WWOX: variants seen among roughly 807,000 people sequenced by gnomAD.
WWOX encodes WW domain containing oxidoreductase, also known as WW domain-containing oxidoreductase.
In WWOX, 69 loss-of-function variants were observed where a neutral mutation model predicts 46.2. The ratio of observed to expected loss-of-function variants is 1.49; its 90% CI spans 1.23 to 1.82. WWOX has a LOEUF of 1.82. Ranked by LOEUF, WWOX falls within the 40% of genes most tolerant of loss-of-function variation. The pLI, the probability that WWOX is intolerant of heterozygous loss-of-function variation, is 0.00. For missense variants in WWOX, 919 were observed against 542.6 expected (o/e 1.69, Z -6.89); for synonymous variants, 359 against 202.6 (o/e 1.77, Z -6.56).
chr16:79,141,323 G>T (rs762055723), intron 8 of WWOX, among the ~76,000 whole-genome samples: 1 of 152,190 alleles, frequency 6.6e-6, no homozygotes, highest in African/African-American at 2.4e-5. Context: ...GATGTCTCAT[G>T]TCTCCCTAGA....
intron 8 of WWOX, among the ~76,000 whole-genome samples, chr16:78,845,107 T>C (rs112849152): frequency 0.022 from 2,854 of 129,062 alleles, 97 homozygotes; most frequent in African/African-American, 0.078. Context: ...TAGCCCTGCA[T>C]TCATGCACTT....
intron 8 of WWOX, among the ~76,000 whole-genome samples, chr16:78,984,340 G>C (rs891314081): frequency 1.3e-5 from 2 of 152,080 alleles, no homozygotes; most frequent in Admixed American, 1.3e-4. Context: ...CACTCTCTAG[G>C]TCAAGAATCA....
At chr16:79,138,456 C>A (rs1467536285) in intron 8 of WWOX, among the ~76,000 whole-genome samples, 1 of 152,214 alleles carries the variant, frequency 6.6e-6, no homozygotes, top group African/African-American at 2.4e-5. Flanking sequence ...TTGCCAGACA[C>A]ATTCCTCGTC....
intron 3 of WWOX, among the ~76,000 whole-genome samples, chr16:78,111,309 A>G (rs974708077): frequency 1.3e-5 from 2 of 152,250 alleles, no homozygotes. Context: ...TATGGAGATG[A>G]TCATGGACAA....
At chr16:78,601,488 A>G (rs1418553640) in intron 8 of WWOX, among the ~76,000 whole-genome samples, 2 of 151,928 alleles carry the variant, frequency 1.3e-5, no homozygotes, top group Non-Finnish European at 2.9e-5. Context: ...AATAGAATCT[A>G]TTATCTCCAA....
chr16:78,614,659 C>T (rs932705538), intron 8 of WWOX, among the ~76,000 whole-genome samples: 4 of 152,194 alleles, frequency 2.6e-5, no homozygotes, highest in African/African-American at 9.6e-5. Context: ...CACCTTAGTC[C>T]AGTTACAGGG....
intron 8 of WWOX, among the ~76,000 whole-genome samples, chr16:79,066,084 C>T (rs939673823): frequency 2.0e-5 from 3 of 152,226 alleles, no homozygotes; most frequent in Admixed American, 1.3e-4. Flanking sequence ...TTCTCCTTCA[C>T]ACCTGTCTCC....
intron 8 of WWOX, among the ~76,000 whole-genome samples, chr16:78,977,037 C>G (rs999785926): frequency 6.6e-6 from 1 of 152,276 alleles, no homozygotes; most frequent in Middle Eastern, 3.4e-3. Context: ...CTGGGACAAT[C>G]AGGTTTCAAC....
intron 8 of WWOX, among the ~76,000 whole-genome samples, chr16:78,975,040 G>A (rs189867386): frequency 6.6e-6 from 1 of 152,266 alleles, no homozygotes; most frequent in Admixed American, 6.5e-5. Flanking sequence ...ATGTGAAAAG[G>A]CCTTCACTAT....
intron 8 of WWOX, among the ~76,000 whole-genome samples, chr16:78,859,794 T>C (rs1292313890): frequency 6.6e-6 from 1 of 151,886 alleles, no homozygotes; most frequent in Non-Finnish European, 1.5e-5. Context: ...TAGTTAAGTT[T>C]TAAGGAAGAA....
intron 5 of WWOX, among the ~76,000 whole-genome samples, chr16:78,336,886 C>G (rs1417169415): frequency 2.0e-5 from 3 of 152,144 alleles, no homozygotes; most frequent in Non-Finnish European, 4.4e-5. Context: ...TTAAGCCATT[C>G]TCCTGCCTCA....
chr16:78,218,121 C>T (rs940368128), intron 5 of WWOX, among the ~76,000 whole-genome samples: 1 of 152,074 alleles, frequency 6.6e-6, no homozygotes, highest in Non-Finnish European at 1.5e-5. Context: ...GTGGTGCAAT[C>T]ACAGCTCACT....
chr16:78,116,693 G>C (rs9935038), intron 4 of WWOX, among the ~76,000 whole-genome samples: 2,063 of 152,220 alleles, frequency 0.014, 48 homozygotes, highest in African/African-American at 0.048. Flanking sequence ...ATTAAGTACT[G>C]TTACAGTGAA....
chr16:78,175,609 T>C (rs558307345), intron 5 of WWOX, among the ~76,000 whole-genome samples: 2 of 152,298 alleles, frequency 1.3e-5, no homozygotes, highest in East Asian at 3.9e-4. Context: ...ACCAGCCATG[T>C]ATATGATCCC....
chr16:78,124,621 A>G (rs1254495733), intron 4 of WWOX, among the ~76,000 whole-genome samples: 7 of 152,232 alleles, frequency 4.6e-5, no homozygotes, highest in African/African-American at 1.7e-4. Flanking sequence ...TTGGCTTCAT[A>G]AATAACGGTA....
At chr16:78,748,258 C>T (rs184478665) in intron 8 of WWOX, among the ~76,000 whole-genome samples, 14 of 152,296 alleles carry the variant, frequency 9.2e-5, no homozygotes, top group Admixed American at 5.2e-4. Flanking sequence ...TTGTCTACCA[C>T]AGATAGCTCA....
At chr16:78,862,665 A>G (rs558275817) in intron 8 of WWOX, among the ~76,000 whole-genome samples, 40 of 152,246 alleles carry the variant, frequency 2.6e-4, no homozygotes, top group African/African-American at 7.9e-4. Context: ...TCCATTCCAT[A>G]TCCAAGTCTG....
intron 8 of WWOX, among the ~76,000 whole-genome samples, chr16:78,714,179 C>G (rs1460865284): frequency 6.6e-6 from 1 of 152,102 alleles, no homozygotes; most frequent in Non-Finnish European, 1.5e-5. Context: ...CATATATGTC[C>G]TATATTAGTC....
At position 79,084,131 on chromosome 16, in the gene WWOX, G is replaced by A. The variant is rs534783173; in HGVS notation, c.1057-127477G>A. ...GGAGAAACAGGAAGGAGCTGATTGA[G>A]GAGACCAAAGGAGGGTGGGGCCGCA... On this transcript the variant is annotated intron_variant, in intron 8 of 8. Coordinates refer to ENST00000566780, the MANE Select transcript of WWOX (RefSeq NM_016373.4). 1.1e-4 allele frequency among the ~76,000 whole-genome samples: 17 copies of A among 152,238 alleles called. No individual in the cohort carries two copies. In the South Asian group the frequency reaches 3.5e-3, roughly 32 times the overall value.
Sources: allele counts gnomAD v4.1 joint callset (sites outside exome capture counted in the v4.1 genomes callset), GRCh38; gene constraint gnomAD v4.1.1; transcripts MANE v1.5; gene names NCBI Gene and HGNC (gene_info 2026-07-23, HGNC 2026-07-21).